Variants in CACNA1I observed in about 807,000 individuals in gnomAD.
CACNA1I encodes calcium voltage-gated channel subunit alpha1 I.
Under a neutral mutation model 201.6 loss-of-function variants are expected in CACNA1I, and 74 were observed. The observed-to-expected ratio is 0.37, with a 90% CI of 0.30 to 0.45. The LOEUF (loss-of-function observed/expected upper bound fraction) is 0.45. Among genes scored for constraint, CACNA1I ranks in the 20% least tolerant of loss-of-function variants. The probability of loss-of-function intolerance (pLI) is 1.00; values close to 1 mark genes in which losing one functional copy is unlikely to be tolerated. For missense variants in CACNA1I, 2,346 were observed against 3,138.1 expected (o/e 0.75, Z 6.03); for synonymous variants, 1,431 against 1,345.2 (o/e 1.06, Z -1.40).
At chr22:39,656,279 C>T (rs1052552503) in intron 10 of CACNA1I, 32 of 430,234 alleles carry the variant, frequency 7.4e-5, no homozygotes, top group Admixed American at 5.8e-4. Flanking sequence ...CAGGTCCTTG[C>T]GGCTCCCCGT....
chr22:39,583,839 G>A (rs1403634788), intron 1 of CACNA1I, among the ~76,000 whole-genome samples: 2 of 152,262 alleles, frequency 1.3e-5, no homozygotes, highest in African/African-American at 2.4e-5. Flanking sequence ...TTGAAGATGG[G>A]TTCCATGTTC....
chr22:39,608,519 G>A (rs1159371647), intron 3 of CACNA1I, among the ~76,000 whole-genome samples: 1 of 152,166 alleles, frequency 6.6e-6, no homozygotes, highest in African/African-American at 2.4e-5. Flanking sequence ...CTTGGCTAGA[G>A]GGTGAGAAGG....
At chr22:39,621,409 C>T (rs1400569104) in intron 4 of CACNA1I, among the ~76,000 whole-genome samples, 1 of 152,274 alleles carries the variant, frequency 6.6e-6, no homozygotes, top group Non-Finnish European at 1.5e-5. Flanking sequence ...ACCCAGCCAA[C>T]CTCTGTGGTC....
At position 39,649,694 on chromosome 22, in the gene CACNA1I, C is replaced by T. The variant is rs1227130100; in HGVS notation, c.1761C>T (p.Asp587=). The change falls in exon 10 of 37, where the codon GAC becomes GAT. Residue 587 remains aspartate (D), a synonymous_variant. Coordinates refer to ENST00000402142, the MANE Select transcript of CACNA1I (RefSeq NM_021096.4). This position sits in a 1 kb window ranked among gnomAD's most constrained non-coding sequence, Gnocchi z 7.3. ...SGSGSSAGGE[D]EADGDGARSS... Reference sequence around the variant, plus strand: ...CCGGGAGCTCCGCTGGTGGCGAGGACGAGGCGGATGGGGACGGGGCCCGGA... The same window carrying T: ...CCGGGAGCTCCGCTGGTGGCGAGGATGAGGCGGATGGGGACGGGGCCCGGA... The T allele has an allele frequency of 6.6e-6, 10 of 1,517,648 alleles. No individual in the cohort carries two copies. Among genetic ancestry groups the T allele is most frequent in the East Asian group, 2.5e-5 (1 of 40,530 alleles). 94.0% of individuals were successfully genotyped at this position (1,517,648 alleles called of 1,614,324 possible).
At chr22:39,579,504 G>A (rs1036831790) in intron 1 of CACNA1I, among the ~76,000 whole-genome samples, 4 of 152,214 alleles carry the variant, frequency 2.6e-5, no homozygotes, top group Non-Finnish European at 4.4e-5. Flanking sequence ...TTTGGCTCAT[G>A]GTTCTGCAGG....
rs1935808314 is a variant in CACNA1I at position 39,684,749 on chromosome 22, G to A, written c.6027+251G>A. On this transcript the variant is annotated intron_variant, in intron 36 of 36. Coordinates refer to ENST00000402142, the MANE Select transcript of CACNA1I (RefSeq NM_021096.4). The surrounding 1 kb of genome is among the most constrained non-coding windows in gnomAD (Gnocchi z 4.6). ...TGGGGAGGACCCCAAGGCGGGTCTG[G>A]AAGAGGCCTGTGATCCCTAGCTTGA... The A allele has an allele frequency of 1.5e-5, 9 of 599,836 alleles. No individual in the cohort carries two copies. The highest frequency in any genetic ancestry group is 2.7e-5 in the Non-Finnish European group (9 of 337,054). 37.2% of individuals were successfully genotyped at this position (599,836 alleles called of 1,614,324 possible).
In CACNA1I at chr22:39,648,824, C is replaced by T. The variant is rs1934565543; in HGVS notation, c.1568-677C>T. Among the ~76,000 whole-genome samples, 1 of 152,108 alleles carries T rather than the reference C, an allele frequency of 6.6e-6. No individual in the cohort carries two copies. Among genetic ancestry groups the T allele is most frequent in the Non-Finnish European group, 1.5e-5 (1 of 68,004 alleles). ...ACAGATCACAGAACTCAGTCCAGGGCCAGCCCAGGCGTCTCCTGTGATTCC... is the reference window on the plus strand; with the variant it reads ...ACAGATCACAGAACTCAGTCCAGGGTCAGCCCAGGCGTCTCCTGTGATTCC... On this transcript the variant is annotated intron_variant, in intron 9 of 36. Coordinates refer to ENST00000402142, the MANE Select transcript of CACNA1I (RefSeq NM_021096.4). This position sits in a 1 kb window ranked among gnomAD's most constrained non-coding sequence, Gnocchi z 5.4.
Position 39,686,377 on chromosome 22 carries a change from G to C in CACNA1I, c.6644G>C (p.Gly2215Ala). The C allele has an allele frequency of 7.7e-7, 1 of 1,300,916 alleles. No individual in the cohort carries two copies. Among genetic ancestry groups the C allele is most frequent in the Non-Finnish European group, 9.8e-7 (1 of 1,022,194 alleles). The allele number at this position is 1,300,916 out of a possible 1,614,324, so 80.6% of individuals were successfully genotyped here. A position where few individuals can be genotyped will look rare whatever the true frequency, so the allele number is the denominator to read the frequency against. Residue 2215 changes from glycine (G) to alanine (A), a missense_variant, in exon 37 of 37, where the codon GGA becomes GCA. By Grantham distance (60) the Gly-to-Ala change is moderately conservative (BLOSUM62 0). This residue lies in a region of CACNA1I where 187 missense variants were observed against 151.0 expected (regional missense o/e 1.24). Transcript: ENST00000402142. Reference sequence around the variant, plus strand: ...CCGCTCCCCGGAGAGCTGGAGCCGGGAGACGCCGCCAGCAAGAGGAAGAGA... The same window carrying C: ...CCGCTCCCCGGAGAGCTGGAGCCGGCAGACGCCGCCAGCAAGAGGAAGAGA... Reference protein sequence around the residue: ...PQPLPGELEPGDAASKRKR With the variant: ...PQPLPGELEPADAASKRKR
chr22:39,665,990 TC>T lies in CACNA1I; in HGVS notation c.4089del (p.Phe1363LeufsTer8). ...CGCTGGGTCCATCACAAATACAACT[TC>T]GACAACCTGGGCCAGGTGAGCACCA... ...NYRWVHHKYN[F>X]DNLGQALMSL... On this transcript the variant is annotated frameshift_variant, in exon 23 of 37. Coordinates refer to ENST00000402142, the MANE Select transcript of CACNA1I (RefSeq NM_021096.4). LOFTEE classifies it high-confidence loss of function. The surrounding 1 kb of genome is among the most constrained non-coding windows in gnomAD (Gnocchi z 5.5). The T allele has an allele frequency of 6.2e-7, 1 of 1,613,602 alleles. No homozygotes were observed. The highest frequency in any genetic ancestry group is 8.5e-7 in the Non-Finnish European group (1 of 1,179,822).
At chr22:39,656,335 C>G in intron 10 of CACNA1I, 6 of 504,864 alleles carry the variant, frequency 1.2e-5, no homozygotes, top group Non-Finnish European at 2.4e-5. Flanking sequence ...TCTCCCACCT[C>G]CCAGCCAGCT....
intron 2 of CACNA1I, among the ~76,000 whole-genome samples, chr22:39,598,659 C>G (rs142117295): frequency 6.6e-6 from 1 of 152,248 alleles, no homozygotes; most frequent in Non-Finnish European, 1.5e-5. Flanking sequence ...CTCTCCTCTG[C>G]CTACAACCTG....
chr22:39,639,727 C>T (rs73424187), intron 5 of CACNA1I, among the ~76,000 whole-genome samples: 3,933 of 152,182 alleles, frequency 0.026, 171 homozygotes, highest in African/African-American at 0.088. Context: ...CTGATGGGTC[C>T]CTCCTTTCTC....
chr22:39,572,732 G>A (rs1007928671), intron 1 of CACNA1I, among the ~76,000 whole-genome samples: 5 of 152,024 alleles, frequency 3.3e-5, no homozygotes, highest in East Asian at 3.9e-4. Context: ...AGTGCCCGGG[G>A]AAGAGGGAAG....
chr22:39,672,314 TG>T lies in CACNA1I; in HGVS notation c.4649+8del. On this transcript the variant is annotated splice_region_variant and intron_variant, in intron 27 of 36. Transcript: ENST00000402142. Reference sequence around the variant, plus strand: ...AGGCGCTTCTTCAAGGACCGGTGAGTGGCCAGGCTGGATTAGGGCAGTAATA... The same window carrying T: ...AGGCGCTTCTTCAAGGACCGGTGAGTGCCAGGCTGGATTAGGGCAGTAATA... The T allele has an allele frequency of 6.3e-7, 1 of 1,583,468 alleles. No individual in the cohort carries two copies. Among genetic ancestry groups the T allele is most frequent in the Non-Finnish European group, 8.7e-7 (1 of 1,152,846 alleles).
chr22:39,570,947 C>T lies in CACNA1I; in HGVS notation c.195C>T (p.Thr65=), dbSNP rs181601916. 5 of 1,613,856 alleles carry T rather than the reference C, an allele frequency of 3.1e-6. No individual in the cohort carries two copies. In the African/African-American group the frequency reaches 4.0e-5, roughly 13 times the overall value. ...TTGCCTTCTTCTGCCTGCGACAGACCACCAGCCCCCGGAACTGGTGCATCA... is the reference window on the plus strand; with the variant it reads ...TTGCCTTCTTCTGCCTGCGACAGACTACCAGCCCCCGGAACTGGTGCATCA... ...APIAFFCLRQ[T]TSPRNWCIKM... is the part of the protein sequence containing the mutation. Residue 65 remains threonine (T), a synonymous_variant, in exon 1 of 37, where the codon ACC becomes ACT. Transcript: ENST00000402142.
At position 39,659,522 on chromosome 22, in the gene CACNA1I, T is replaced by TGCTGTGGGCCATCGTC; in HGVS notation, c.2421_2436dup (p.Thr813AlafsTer63). ...CCCGACAGGAAGAACTTCGACTCCC[T>TGCTGTGGGCCATCGTC]GCTGTGGGCCATCGTCACTGTGTTC... On this transcript the variant is annotated frameshift_variant, in exon 13 of 37. Coordinates refer to ENST00000402142, the MANE Select transcript of CACNA1I (RefSeq NM_021096.4). LOFTEE classifies it high-confidence loss of function. This position sits in a 1 kb window ranked among gnomAD's most constrained non-coding sequence, Gnocchi z 4.3. 1 of 1,602,428 alleles carries TGCTGTGGGCCATCGTC rather than the reference T, an allele frequency of 6.2e-7. No homozygotes were observed. Among genetic ancestry groups the TGCTGTGGGCCATCGTC allele is most frequent in the Non-Finnish European group, 8.5e-7 (1 of 1,173,846 alleles).
chr22:39,687,434 C>T lies in CACNA1I; in HGVS notation c.*1029C>T, dbSNP rs1163320270. 3 of 152,266 alleles carry T rather than the reference C, an allele frequency of 2.0e-5. No individual in the cohort carries two copies. Among genetic ancestry groups the T allele is most frequent in the Non-Finnish European group, 2.9e-5 (2 of 68,110 alleles). The allele number at this position is 152,266 out of a possible 1,614,324, so 9.4% of individuals were successfully genotyped here. A position where few individuals can be genotyped will look rare whatever the true frequency, so the allele number is the denominator to read the frequency against. On this transcript the variant is annotated 3_prime_UTR_variant, in exon 37 of 37. Coordinates refer to ENST00000402142, the MANE Select transcript of CACNA1I (RefSeq NM_021096.4). Reference sequence around the variant, plus strand: ...TCAGCCACTAATGCCTTTTATCCCCCATATGGGCGCTGAGCTGTGGCTGTT... The same window carrying T: ...TCAGCCACTAATGCCTTTTATCCCCTATATGGGCGCTGAGCTGTGGCTGTT...
intron 10 of CACNA1I, among the ~76,000 whole-genome samples, chr22:39,657,192 ACT>A (rs1934851863): frequency 6.6e-6 from 1 of 152,124 alleles, no homozygotes; most frequent in Non-Finnish European, 1.5e-5. Flanking sequence ...TGCTTTGAAC[ACT>A]GGGGTTCTTT....
At chr22:39,641,897 C>T (rs1024656267) in intron 6 of CACNA1I, among the ~76,000 whole-genome samples, 2 of 152,172 alleles carry the variant, frequency 1.3e-5, no homozygotes, top group African/African-American at 4.8e-5. Flanking sequence ...TAACAGCCCC[C>T]CTCACCTTGG....
Sources: allele counts gnomAD v4.1 joint callset (sites outside exome capture counted in the v4.1 genomes callset), GRCh38; gene constraint gnomAD v4.1.1; regional missense constraint gnomAD v4.1.1; non-coding constraint Gnocchi (gnomAD v3.1); transcripts MANE v1.5; gene names NCBI Gene and HGNC (gene_info 2026-07-23, HGNC 2026-07-21).